The following BEND5 variants were observed in gnomAD, a reference collection of about 807,000 sequenced individuals.
BEND5 encodes the protein BEN domain-containing protein 5.
BEND5 carries 22 observed loss-of-function variants against 43.9 expected under a neutral mutation model. The ratio of observed to expected loss-of-function variants is 0.50; its 90% CI spans 0.36 to 0.72. The LOEUF (loss-of-function observed/expected upper bound fraction) is 0.72. BEND5 is among the 30% of genes least tolerant of loss of function. The probability of loss-of-function intolerance (pLI) is 0.00; values close to 1 mark genes in which losing one functional copy is unlikely to be tolerated. For missense variants in BEND5, 428 were observed against 550.6 expected, an observed-to-expected ratio of 0.78 and a Z score of 2.23; for synonymous variants, 228 against 225.9, an observed-to-expected ratio of 1.01 and a Z score of -0.08.
intron 5 of BEND5, among the ~76,000 whole-genome samples, chr1:48,735,629 C>A (rs1485242221): frequency 6.6e-6 from 1 of 152,108 alleles, no homozygotes; most frequent in East Asian, 1.9e-4. Flanking sequence ...CTCCCTGTCT[C>A]TTTGCCTGCC....
chr1:48,772,428 A>G (rs1644882352), intron 1 of BEND5, among the ~76,000 whole-genome samples: 1 of 152,210 alleles, frequency 6.6e-6, no homozygotes, highest in Admixed American at 6.5e-5. Flanking sequence ...CCTTGCAGGC[A>G]GAGGCCCCAT....
intron 2 of BEND5, 65 bp downstream of exon 2, chr1:48,761,270 ACT>A (rs1417141686): frequency 1.4e-6 from 2 of 1,461,970 alleles, no homozygotes; most frequent in African/African-American, 2.9e-5. Flanking sequence ...CCAGACTGAA[ACT>A]CTTTAGCTAC....
At chr1:48,758,878 G>C in intron 3 of BEND5, 22 bp downstream of exon 3, 1 of 1,487,656 alleles carries the variant, frequency 6.7e-7, no homozygotes, top group South Asian at 1.4e-5. Flanking sequence ...TGGAGTGGTA[G>C]GTGACCTGCT....
At chr1:48,761,011 C>T (rs192080642) in intron 2 of BEND5, 26 of 200,458 alleles carry the variant, frequency 1.3e-4, no homozygotes, top group Non-Finnish European at 2.1e-4. Flanking sequence ...ATCTGTTTAA[C>T]GTTCTTGGAG....
chr1:48,747,478 C>T (rs1650955031), intron 3 of BEND5, among the ~76,000 whole-genome samples: 1 of 152,150 alleles, frequency 6.6e-6, no homozygotes, highest in Non-Finnish European at 1.5e-5. Flanking sequence ...CACTGGGGAC[C>T]CAGAGACAAA....
At position 48,736,074 on chromosome 1, in the gene BEND5, G is replaced by A. The variant is rs986192438; in HGVS notation, c.1108+165C>T. ...AGCTCATCTGCCCTGGTAAATGTGA[G>A]CTCTTCTGGGGCATTTGGGTTATCC... On this transcript the variant is annotated intron_variant, in intron 5 of 5. Coordinates refer to ENST00000371833, the MANE Select transcript of BEND5 (RefSeq NM_024603.4). This position sits in a 1 kb window ranked among gnomAD's most constrained non-coding sequence, Gnocchi z 4.0. Among the ~76,000 whole-genome samples, 1 of 152,188 alleles carries A rather than the reference G, an allele frequency of 6.6e-6. No individual in the cohort carries two copies. Among genetic ancestry groups the A allele is most frequent in the Non-Finnish European group, 1.5e-5 (1 of 68,036 alleles).
intron 1 of BEND5, among the ~76,000 whole-genome samples, chr1:48,764,048 G>C (rs909482980): frequency 2.6e-5 from 4 of 152,108 alleles, no homozygotes; most frequent in African/African-American, 9.7e-5. Flanking sequence ...AAACTGGCCC[G>C]GGGGACACAG....
At chr1:48,749,475 C>T (rs958041550) in intron 3 of BEND5, among the ~76,000 whole-genome samples, 1 of 152,186 alleles carries the variant, frequency 6.6e-6, no homozygotes, top group Non-Finnish European at 1.5e-5. Flanking sequence ...AAGTAACTTG[C>T]CAGAAGTCAC....
At position 48,736,299 on chromosome 1, in the gene BEND5, T is replaced by G. The variant is rs1157343460; in HGVS notation, c.1048A>C (p.Lys350Gln). The change falls in exon 5 of 6, where the codon AAA (lysine) becomes CAA (glutamine). Residue 350 changes from lysine to glutamine, a missense_variant. By Grantham distance (53) the Lys-to-Gln change is moderately conservative. Transcript: ENST00000371833. The surrounding 1 kb of genome is among the most constrained non-coding windows in gnomAD (Gnocchi z 4.0). ...GGTTTAGGGACTGCATCTTTCTTTT[T>G]TTTTGTGGCGACGCCTGTGACGCTT... ...NRSVTGVATK[K>Q]KKDAVPKPPL... is the part of the protein sequence containing the mutation. The G allele has an allele frequency of 1.2e-6, 2 of 1,614,208 alleles. No individual in the cohort carries two copies. The highest frequency in any genetic ancestry group is 1.7e-6 in the Non-Finnish European group (2 of 1,180,024).
intron 4 of BEND5, among the ~76,000 whole-genome samples, chr1:48,738,682 A>T (rs1307951639): frequency 1.3e-5 from 2 of 152,166 alleles, no homozygotes; most frequent in African/African-American, 4.8e-5. Flanking sequence ...ATTTTTCAAA[A>T]ATCTCTGCTT....
intron 1 of BEND5, among the ~76,000 whole-genome samples, chr1:48,767,370 C>A (rs1476782954): frequency 6.6e-6 from 1 of 152,144 alleles, no homozygotes; most frequent in Non-Finnish European, 1.5e-5. Flanking sequence ...TGTGTATTAC[C>A]TGTTTGCCTT....
At chr1:48,738,259 C>T (rs963644898) in intron 4 of BEND5, among the ~76,000 whole-genome samples, 2 of 152,200 alleles carry the variant, frequency 1.3e-5, no homozygotes, top group African/African-American at 4.8e-5. Flanking sequence ...GCACGTCTGA[C>T]TTCACCTCCT....
intron 3 of BEND5, among the ~76,000 whole-genome samples, chr1:48,751,936 CTTCT>C (rs1379001547): frequency 2.0e-5 from 3 of 152,164 alleles, no homozygotes; most frequent in African/African-American, 4.8e-5. Flanking sequence ...ACTGTGGCTA[CTTCT>C]GATTTGGGCA....
chr1:48,751,245 CT>C lies in BEND5; in HGVS notation c.745+7654del, dbSNP rs1651690377. Among the ~76,000 whole-genome samples the C allele has an allele frequency of 3.9e-5, 6 of 152,266 alleles. No individual in the cohort carries two copies. In the South Asian group the frequency reaches 1.2e-3, roughly 32 times the overall value. On this transcript the variant is annotated intron_variant, in intron 3 of 5. Coordinates refer to ENST00000371833, the MANE Select transcript of BEND5 (RefSeq NM_024603.4). Reference sequence around the variant, plus strand: ...GCTGAAACTATGAAGACATGGTGGGCTTTTAAATTAAGCAGGAAATATTCAT... The same window carrying C: ...GCTGAAACTATGAAGACATGGTGGGCTTTAAATTAAGCAGGAAATATTCAT...
chr1:48,763,112 CA>C (rs1644359797), intron 1 of BEND5, among the ~76,000 whole-genome samples: 1 of 151,886 alleles, frequency 6.6e-6, no homozygotes, highest in Non-Finnish European at 1.5e-5. Flanking sequence ...ACAACAACAA[CA>C]ACAACAACAA....
chr1:48,738,395 A>C (rs557497339), intron 4 of BEND5, among the ~76,000 whole-genome samples: 1 of 152,320 alleles, frequency 6.6e-6, no homozygotes, highest in South Asian at 2.1e-4. Flanking sequence ...GCAGCCTTGG[A>C]GTGAGATGTA....
intron 3 of BEND5, among the ~76,000 whole-genome samples, chr1:48,745,041 C>T (rs1319859392): frequency 6.6e-6 from 1 of 152,184 alleles, no homozygotes; most frequent in Non-Finnish European, 1.5e-5. Context: ...ATTATGTTTG[C>T]AATCATCTGC....
At chr1:48,744,357 G>T (rs191618949) in intron 3 of BEND5, among the ~76,000 whole-genome samples, 5 of 152,352 alleles carry the variant, frequency 3.3e-5, no homozygotes, top group Non-Finnish European at 7.3e-5. Flanking sequence ...GGGATCACAG[G>T]TTAAAATTTT....
Position 48,776,864 on chromosome 1 carries a change from G to C in BEND5, c.-33C>G, listed in dbSNP as rs1645121008. ...GCCGGGGGCGGGCCCCGGTCGGGCAGCTCAGCCCGCGGGGCGGGCGCGGAG... is the reference window on the plus strand; with the variant it reads ...GCCGGGGGCGGGCCCCGGTCGGGCACCTCAGCCCGCGGGGCGGGCGCGGAG... On this transcript the variant is annotated 5_prime_UTR_variant, in exon 1 of 6. Coordinates refer to ENST00000371833, the MANE Select transcript of BEND5 (RefSeq NM_024603.4). The C allele has an allele frequency of 2.1e-6, 3 of 1,436,566 alleles. No individual in the cohort carries two copies. The highest frequency in any genetic ancestry group is 2.8e-6 in the Non-Finnish European group (3 of 1,086,940). 89.0% of individuals were successfully genotyped at this position (1,436,566 alleles called of 1,614,324 possible).
Sources: allele counts gnomAD v4.1 joint callset (sites outside exome capture counted in the v4.1 genomes callset), GRCh38; gene constraint gnomAD v4.1.1; non-coding constraint Gnocchi (gnomAD v3.1); transcripts MANE v1.5; gene names NCBI Gene and HGNC (gene_info 2026-07-23, HGNC 2026-07-21).